The following C1QTNF3 variants were observed in gnomAD, a reference collection of about 807,000 sequenced individuals.
C1QTNF3 encodes C1q and TNF related 3.
C1QTNF3 carries 26 observed loss-of-function variants against 32.6 expected under a neutral mutation model. The observed-to-expected ratio is 0.80, with a 90% confidence interval of 0.58 to 1.11. C1QTNF3 has a LOEUF of 1.11. Among genes scored for constraint, C1QTNF3 ranks in the 50% least tolerant of loss-of-function variants. C1QTNF3 has a pLI of 0.00. For missense variants in C1QTNF3, 362 were observed against 398.2 expected, an observed-to-expected ratio of 0.91 and a Z score of 0.77; for synonymous variants, 155 against 146.0, an observed-to-expected ratio of 1.06 and a Z score of -0.44.
At chr5:34,074,616 G>A in the C1QTNF3 span, among the ~76,000 whole-genome samples, 430 of 151,704 alleles carry the variant, frequency 2.8e-3, no homozygotes, top group Non-Finnish European at 4.2e-3. Context: ...CCAAAATCAC[G>A]TAAAGCAAAT....
At chr5:34,153,847 A>G in the C1QTNF3 span, among the ~76,000 whole-genome samples, 4 of 83,028 alleles carry the variant, frequency 4.8e-5, no homozygotes, top group African/African-American at 1.6e-4. Flanking sequence ...CCTAAAACTT[A>G]GAGTATAAAA....
chr5:34,211,513 G>A, the C1QTNF3 span, among the ~76,000 whole-genome samples: 2 of 150,258 alleles, frequency 1.3e-5, no homozygotes, highest in Non-Finnish European at 3.0e-5. Context: ...TTAGCATTAG[G>A]TATATCTCCC....
At chr5:34,227,656 T>G in the C1QTNF3 span, among the ~76,000 whole-genome samples, 1 of 151,934 alleles carries the variant, frequency 6.6e-6, no homozygotes, top group Non-Finnish European at 1.5e-5. Context: ...TATTATAATT[T>G]AAGAGAGGAT....
chr5:34,213,823 G>T, the C1QTNF3 span, among the ~76,000 whole-genome samples: 3,141 of 13,546 alleles, frequency 0.23, 486 homozygotes, highest in Admixed American at 0.31. Context: ...TTTTTTTTTT[G>T]TGTGTGTGAT....
chr5:34,220,400 C>G, the C1QTNF3 span, among the ~76,000 whole-genome samples: 1 of 151,836 alleles, frequency 6.6e-6, no homozygotes, highest in East Asian at 1.9e-4. Flanking sequence ...AATGATCGTC[C>G]TTCTCTATTT....
At chr5:34,180,361 T>C in the C1QTNF3 span, among the ~76,000 whole-genome samples, 2,100 of 152,264 alleles carry the variant, frequency 0.014, 1 homozygote, top group South Asian at 0.033. Context: ...AAAAAAGATA[T>C]TAAAATTTAG....
chr5:34,125,451 T>G, the C1QTNF3 span, among the ~76,000 whole-genome samples: 1 of 152,230 alleles, frequency 6.6e-6, no homozygotes, highest in Non-Finnish European at 1.5e-5. Flanking sequence ...CTATTTCCTA[T>G]TCAAAAAATT....
At chr5:34,109,516 G>A in the C1QTNF3 span, among the ~76,000 whole-genome samples, 1 of 151,546 alleles carries the variant, frequency 6.6e-6, no homozygotes, top group Non-Finnish European at 1.5e-5. Flanking sequence ...AAGGCATTGG[G>A]GTATAAAGTA....
the C1QTNF3 span, among the ~76,000 whole-genome samples, chr5:34,241,130 A>G: frequency 6.6e-6 from 1 of 151,992 alleles, no homozygotes; most frequent in Non-Finnish European, 1.5e-5. Context: ...TCAAATAAGC[A>G]TACTTCAAAA....
the C1QTNF3 span, among the ~76,000 whole-genome samples, chr5:34,130,705 G>A: frequency 3.3e-5 from 5 of 152,246 alleles, no homozygotes; most frequent in Admixed American, 2.0e-4. Flanking sequence ...ACAACTAGAG[G>A]CCCTGTGGGC....
chr5:34,065,897 C>T, the C1QTNF3 span, among the ~76,000 whole-genome samples: 1 of 152,134 alleles, frequency 6.6e-6, no homozygotes, highest in African/African-American at 2.4e-5. Context: ...CATTGTTGTG[C>T]TGTTCACAAT....
At chr5:34,122,735 T>C in the C1QTNF3 span, among the ~76,000 whole-genome samples, 1 of 151,758 alleles carries the variant, frequency 6.6e-6, no homozygotes, top group Non-Finnish European at 1.5e-5. Flanking sequence ...AGTAGATTAG[T>C]ATGGATAGGC....
the C1QTNF3 span, among the ~76,000 whole-genome samples, chr5:34,213,610 G>A: frequency 1.3e-5 from 2 of 149,144 alleles, no homozygotes; most frequent in Non-Finnish European, 3.0e-5. Flanking sequence ...GAATTAATTA[G>A]AATCAAACCA....
chr5:34,167,231 T>G, the C1QTNF3 span: 1 of 152,142 alleles, frequency 6.6e-6, no homozygotes, highest in East Asian at 1.9e-4. Context: ...CACTCTAAAT[T>G]CTCTCCGTTC....
the C1QTNF3 span, among the ~76,000 whole-genome samples, chr5:34,207,666 T>G: frequency 6.6e-6 from 1 of 152,122 alleles, no homozygotes; most frequent in Admixed American, 6.5e-5. Flanking sequence ...GCTCACTATC[T>G]ACCTACTGAC....
chr5:34,064,924 TTAAGTG>T, the C1QTNF3 span, among the ~76,000 whole-genome samples: 8 of 152,124 alleles, frequency 5.3e-5, no homozygotes, highest in Admixed American at 5.2e-4. Flanking sequence ...CATTGAGGAT[TTAAGTG>T]TAAGACTCCA....
chr5:34,207,054 G>C, the C1QTNF3 span, among the ~76,000 whole-genome samples: 1 of 152,098 alleles, frequency 6.6e-6, no homozygotes, highest in Non-Finnish European at 1.5e-5. Flanking sequence ...TCTTTATTGA[G>C]CTAATGGCAA....
At chr5:34,210,687 T>A in the C1QTNF3 span, among the ~76,000 whole-genome samples, 1 of 152,066 alleles carries the variant, frequency 6.6e-6, no homozygotes, top group Non-Finnish European at 1.5e-5. Flanking sequence ...ATCAATTGTA[T>A]ACTTCATAAA....
the C1QTNF3 span, among the ~76,000 whole-genome samples, chr5:34,070,495 A>G: frequency 6.6e-6 from 1 of 152,206 alleles, no homozygotes; most frequent in African/African-American, 2.4e-5. Context: ...AATTGTCTGA[A>G]TAACTAGTTA....
Sources: gnomAD v4.1 joint callset for allele counts (sites outside exome capture counted in the v4.1 genomes callset) on GRCh38, gnomAD v4.1.1 for gene constraint, MANE v1.5 for transcripts, NCBI Gene and HGNC (gene_info 2026-07-23, HGNC 2026-07-21) for gene names.